Variants in MFN2 observed in about 807,000 individuals in gnomAD.
The protein encoded by MFN2 is mitofusin-2.
In MFN2, 43 loss-of-function variants were observed where a neutral mutation model predicts 87.5. That is an observed-to-expected ratio of 0.49 (90% CI 0.38 to 0.63). The LOEUF (loss-of-function observed/expected upper bound fraction) is 0.63, where lower values mean the gene tolerates loss of function less well. Among genes scored for constraint, MFN2 ranks in the 30% least tolerant of loss-of-function variants. The pLI is 0.00. For synonymous variants in MFN2, 337 were observed against 359.9 expected, an observed-to-expected ratio of 0.94 and a Z score of 0.72; for missense variants, 743 against 972.8, an observed-to-expected ratio of 0.76 and a Z score of 3.14.
chr1:12,006,026 G>A, intron 15 of MFN2, 95 bp downstream of exon 15: 3 of 1,210,592 alleles, frequency 2.5e-6, no homozygotes, highest in Non-Finnish European at 3.6e-6. Context: ...GGTTCCCTAA[G>A]GTCAGCAGCT....
chr1:12,004,941 G>A lies in MFN2; in HGVS notation c.1495+14G>A. ...AGGACATGATAGGTTAGTGCCCATG[G>A]GGAACTGGGCAGCTGTGGCCCTGGG... On this transcript the variant is annotated intron_variant, in intron 14 of 18. Coordinates refer to ENST00000235329, the MANE Select transcript of MFN2 (RefSeq NM_014874.4). The surrounding 1 kb of genome is among the most constrained non-coding windows in gnomAD (Gnocchi z 4.2). 2 of 1,593,818 alleles carry A rather than the reference G, an allele frequency of 1.3e-6. No individual in the cohort carries two copies. Among genetic ancestry groups the A allele is most frequent in the Non-Finnish European group, 8.6e-7 (1 of 1,168,844 alleles).
At chr1:11,995,177 A>G (rs1167855265) in intron 4 of MFN2, among the ~76,000 whole-genome samples, 1 of 151,582 alleles carries the variant, frequency 6.6e-6, no homozygotes, top group Non-Finnish European at 1.5e-5. Context: ...TGGGAGGATC[A>G]TTGAGCCCTG....
At chr1:11,999,635 G>A (rs1405755124) in intron 8 of MFN2, among the ~76,000 whole-genome samples, 1 of 151,902 alleles carries the variant, frequency 6.6e-6, no homozygotes, top group Non-Finnish European at 1.5e-5. Flanking sequence ...TGGGATTACA[G>A]GCATGAGCCA....
chr1:12,009,194 G>C (rs899828907), intron 17 of MFN2, among the ~76,000 whole-genome samples: 1 of 152,058 alleles, frequency 6.6e-6, no homozygotes. Context: ...ACCGTGGAAA[G>C]AGAGGGAGAG....
chr1:11,989,417 G>A, intron 3 of MFN2, 74 bp downstream of exon 3: 1 of 1,539,434 alleles, frequency 6.5e-7, no homozygotes, highest in Non-Finnish European at 8.9e-7. Flanking sequence ...TGCGGGTGGG[G>A]AGGTATATCT....
At chr1:11,983,743 T>TA (rs1159501718) in intron 2 of MFN2, among the ~76,000 whole-genome samples, 3 of 152,160 alleles carry the variant, frequency 2.0e-5, no homozygotes, top group Admixed American at 6.5e-5. Context: ...CAGGATGTGA[T>TA]AAAAACCAGA....
rs372326942 is a variant in MFN2 at position 11,997,383 on chromosome 1, G to A, written c.561G>A (p.Lys187=). The A allele has an allele frequency of 1.2e-6, 2 of 1,614,076 alleles. No homozygotes were observed. The highest frequency in any genetic ancestry group is 1.7e-6 in the Non-Finnish European group (2 of 1,180,030). Residue 187 remains lysine, a synonymous_variant, in exon 6 of 19, where the codon AAG becomes AAA. Transcript: ENST00000235329. ...SLVSVMWPNS[K]CPLLKDDLVL... ...TGAGTGTGATGTGGCCCAACTCTAA[G>A]TGCCCACTTCTGAAGGATGACCTCG...
intron 4 of MFN2, among the ~76,000 whole-genome samples, chr1:11,995,272 AAAAC>A (rs1234793355): frequency 2.6e-5 from 4 of 151,982 alleles, no homozygotes; most frequent in African/African-American, 9.7e-5. Context: ...CATATCAAAA[AAAAC>A]AAACAACAAC....
intron 9 of MFN2, 51 bp from the exon 10 acceptor site, chr1:12,001,718 T>C (rs1045019623): frequency 6.2e-7 from 1 of 1,610,768 alleles, no homozygotes; most frequent in Admixed American, 1.7e-5. Context: ...ATTTCATCGT[T>C]TTCCTCTGCT....
rs939334852 is a variant in MFN2 at position 12,011,792 on chromosome 1, G to A, written c.*227G>A. 4 of 595,862 alleles carry A rather than the reference G, an allele frequency of 6.7e-6. No homozygotes were observed. Among genetic ancestry groups the A allele is most frequent in the East Asian group, 2.8e-5 (1 of 35,594 alleles). The allele number at this position is 595,862 out of a possible 1,614,324, so 36.9% of individuals were successfully genotyped here. ...CATACCCCCAAAGGACACTTTCAGCGACAGCTATGGACAGCATGGTACCAA... is the reference window on the plus strand; with the variant it reads ...CATACCCCCAAAGGACACTTTCAGCAACAGCTATGGACAGCATGGTACCAA... On this transcript the variant is annotated 3_prime_UTR_variant, in exon 19 of 19. Transcript: ENST00000235329.
Position 12,001,969 on chromosome 1 carries a change from CTG to C in MFN2, c.1039-7_1039-6del, listed in dbSNP as rs780237550. 5.2e-5 allele frequency: 84 copies of C among 1,614,078 alleles called. No homozygotes were observed. The highest frequency in any genetic ancestry group is 6.4e-5 in the Non-Finnish European group (76 of 1,180,044). On this transcript the variant is annotated splice_polypyrimidine_tract_variant and intron_variant, in intron 10 of 18. Coordinates refer to ENST00000235329, the MANE Select transcript of MFN2 (RefSeq NM_014874.4). ...GTGGCCCCCACCTCCCTCCGTGCCT[CTG>C]TGTGTTCCAGGAGTGCATCTCCCAG...
intron 3 of MFN2, chr1:11,992,324 AG>A: frequency 3.4e-6 from 2 of 584,826 alleles, no homozygotes; most frequent in Non-Finnish European, 6.1e-6. Flanking sequence ...CCACAGAGCT[AG>A]AAAGTGGTAA....
chr1:12,011,653 C>A lies in MFN2; in HGVS notation c.*88C>A. ...GGCTCCCCCAGGGGCACGTGTGGCTCCTGCCCCCTGGCCACTGCCAAGAGA... is the reference window on the plus strand; with the variant it reads ...GGCTCCCCCAGGGGCACGTGTGGCTACTGCCCCCTGGCCACTGCCAAGAGA... On this transcript the variant is annotated 3_prime_UTR_variant, in exon 19 of 19. Coordinates refer to ENST00000235329, the MANE Select transcript of MFN2 (RefSeq NM_014874.4). The A allele has an allele frequency of 1.4e-6, 2 of 1,400,732 alleles. No homozygotes were observed. The highest frequency in any genetic ancestry group is 2.0e-6 in the Non-Finnish European group (2 of 991,644). The allele number at this position is 1,400,732 out of a possible 1,614,324, so 86.8% of individuals were successfully genotyped here. A position where few individuals can be genotyped will look rare whatever the true frequency, so the allele number is the denominator to read the frequency against.
chr1:11,986,578 G>A (rs1401411736), intron 2 of MFN2, among the ~76,000 whole-genome samples: 3 of 151,178 alleles, frequency 2.0e-5, no homozygotes, highest in Admixed American at 6.6e-5. Flanking sequence ...TGGTGTGTAC[G>A]CCTCTTTTTG....
chr1:11,998,269 CAG>C (rs1385657895), intron 6 of MFN2, among the ~76,000 whole-genome samples: 9 of 151,984 alleles, frequency 5.9e-5, no homozygotes, highest in South Asian at 4.2e-4. Flanking sequence ...TCATTTCTGC[CAG>C]GCACGGTGGC....
intron 2 of MFN2, among the ~76,000 whole-genome samples, chr1:11,986,330 T>C (rs962264856): frequency 2.6e-5 from 4 of 152,148 alleles, no homozygotes; most frequent in African/African-American, 9.7e-5. Context: ...GAGAGTGAGC[T>C]TACTGCTGGG....
Position 11,998,798 on chromosome 1 carries a change from G to A in MFN2, c.628G>A (p.Asp210Asn). The change falls in exon 7 of 19, where the codon GAC (aspartate) becomes AAC (asparagine). Residue 210 changes from aspartate (D) to asparagine (N), a missense_variant. By Grantham distance (23) the Asp-to-Asn change is conservative (BLOSUM62 1). This residue lies in a region of MFN2 where 141 missense variants were observed against 278.9 expected (regional missense o/e 0.51). Transcript: ENST00000235329. The stretch of plus-strand genomic sequence containing the variant: ...TGGTATTGATGTCACCACAGAGCTG[G>A]ACAGCTGGATTGACAAGTTTTGTCT... ...SPGIDVTTEL[D>N]SWIDKFCLDA... The A allele has an allele frequency of 1.9e-6, 3 of 1,614,138 alleles. No homozygotes were observed. The highest frequency in any genetic ancestry group is 2.5e-6 in the Non-Finnish European group (3 of 1,180,026).
At chr1:11,989,409 C>T (rs1291807275) in intron 3 of MFN2, 66 bp downstream of exon 3, 32 of 1,567,036 alleles carry the variant, frequency 2.0e-5, no homozygotes, top group Non-Finnish European at 2.7e-5. Context: ...GTGGGATTTG[C>T]GGGTGGGGAG....
At chr1:11,991,720 C>T (rs895587921) in intron 3 of MFN2, among the ~76,000 whole-genome samples, 1 of 151,628 alleles carries the variant, frequency 6.6e-6, no homozygotes, top group Non-Finnish European at 1.5e-5. Flanking sequence ...GTCAGGAGAT[C>T]GAGACCATCC....
Sources: gnomAD v4.1 joint callset for allele counts (sites outside exome capture counted in the v4.1 genomes callset) on GRCh38, gnomAD v4.1.1 for gene constraint, gnomAD v4.1.1 regional missense constraint, Gnocchi (gnomAD v3.1) non-coding constraint, MANE v1.5 for transcripts, NCBI Gene and HGNC (gene_info 2026-07-23, HGNC 2026-07-21) for gene names.